UBN1: variants seen among roughly 807,000 people sequenced by gnomAD.
The protein encoded by UBN1 is ubinuclein-1.
UBN1 carries 17 observed loss-of-function variants against 108.5 expected under a neutral mutation model. The ratio of observed to expected loss-of-function variants is 0.16; its 90% confidence interval spans 0.11 to 0.24. UBN1 has a LOEUF of 0.24. Among genes scored for constraint, UBN1 ranks in the 10% least tolerant of loss-of-function variants. The pLI is 1.00. For synonymous variants in UBN1, 726 were observed against 564.2 expected (o/e 1.29, Z -4.07); for missense variants, 1,595 against 1,394.4 (o/e 1.14, Z -2.29).
chr16:4,864,058 T>TTTG (rs145072888), intron 7 of UBN1, among the ~76,000 whole-genome samples: 4,427 of 149,314 alleles, frequency 0.03, 141 homozygotes, highest in Admixed American at 0.089. Flanking sequence ...GTGATCCTGG[T>TTTG]TTGTTGTTGT....
chr16:4,876,980 T>C lies in UBN1; in HGVS notation c.3134T>C (p.Ile1045Thr), dbSNP rs1482430706. Reference sequence around the variant, plus strand: ...GCCATGAGCTCGAACTCCTTGGGAATTATAACCCCTGTCCCTATTCCTGTC... The same window carrying C: ...GCCATGAGCTCGAACTCCTTGGGAACTATAACCCCTGTCCCTATTCCTGTC... ...SGAMSSNSLG[I>T]ITPVPIPVHV... Residue 1045 changes from isoleucine (I) to threonine (T), a missense_variant, in exon 16 of 18, where the codon ATT (isoleucine) becomes ACT (threonine). Physicochemically the swap from Ile to Thr is moderately conservative, Grantham distance 89. Around this residue, in one of 3 missense-constraint regions of UBN1, gnomAD observed 1,398 missense variants for 1,194.7 expected, o/e 1.17. Transcript: ENST00000262376. 6.2e-7 allele frequency: 1 copy of C among 1,614,060 alleles called. No individual in the cohort carries two copies. Among genetic ancestry groups the C allele is most frequent in the African/African-American group, 1.3e-5 (1 of 74,930 alleles).
chr16:4,868,881 G>C lies in UBN1; in HGVS notation c.1159G>C (p.Asp387His), dbSNP rs1458018640. ...GESRQKFFTQ[D>H]INGILLDIEA... ...GAGCAGACAGAAGTTCTTCACCCAG[G>C]ATATTAATGGAATCCTATTAGAGTG... Residue 387 changes from aspartate to histidine, a missense_variant, in exon 8 of 18, where the codon GAT becomes CAT. Physicochemically the swap from Asp to His is moderately conservative, Grantham distance 81. This residue lies in a region of UBN1 where 1,398 missense variants were observed against 1,194.7 expected (regional missense o/e 1.17). Transcript: ENST00000262376. The C allele has an allele frequency of 6.2e-7, 1 of 1,613,956 alleles. No homozygotes were observed. The highest frequency in any genetic ancestry group is 1.7e-5 in the Admixed American group (1 of 60,008).
chr16:4,852,958 G>T lies in UBN1; in HGVS notation c.41G>T (p.Gly14Val), dbSNP rs921003249. Residue 14 changes from glycine (G) to valine (V), a missense_variant, in exon 2 of 18, where the codon GGT (glycine) becomes GTT (valine). This residue lies in a region of UBN1 where 181 missense variants were observed against 157.3 expected (regional missense o/e 1.15). Coordinates refer to ENST00000262376, the MANE Select transcript of UBN1 (RefSeq NM_001079514.3). ...PHRVQFTSLP[G>V]SLNPAFLKKS... is the part of the protein sequence containing the mutation. ...AGGGTCCAGTTCACCTCTCTCCCAGGTTCCCTGAATCCTGCGTTTTTGAAG... is the reference window on the plus strand; with the variant it reads ...AGGGTCCAGTTCACCTCTCTCCCAGTTTCCCTGAATCCTGCGTTTTTGAAG... The T allele has an allele frequency of 6.2e-7, 1 of 1,614,186 alleles. No homozygotes were observed. The highest frequency in any genetic ancestry group is 1.7e-5 in the Admixed American group (1 of 60,018).
Position 4,871,259 on chromosome 16 carries a change from C to T in UBN1, c.1664C>T (p.Ala555Val), listed in dbSNP as rs138346663. The change falls in exon 12 of 18, where the codon GCG becomes GTG. Residue 555 changes from alanine to valine, a missense_variant. By Grantham distance (64) the Ala-to-Val change is moderately conservative (BLOSUM62 0). Coordinates refer to ENST00000262376, the MANE Select transcript of UBN1 (RefSeq NM_001079514.3). ...WEDCVKGFLD[A>V]EVKPLWPKGW... Reference sequence around the variant, plus strand: ...GACTGTGTGAAGGGCTTTCTGGATGCGGAAGTCAAGCCCCTCTGGCCCAAA... The same window carrying T: ...GACTGTGTGAAGGGCTTTCTGGATGTGGAAGTCAAGCCCCTCTGGCCCAAA... 75 of 1,614,062 alleles carry T rather than the reference C, an allele frequency of 4.6e-5. 1 individual carries two copies. The East Asian group carries it at 1.4e-3, about 30-fold the overall frequency.
rs1474459714 is a variant in UBN1, at chr16:4,875,118, C to T, written c.2708C>T (p.Pro903Leu). 1.2e-6 allele frequency: 2 copies of T among 1,614,202 alleles called. No individual in the cohort carries two copies. Among genetic ancestry groups the T allele is most frequent in the Non-Finnish European group, 8.5e-7 (1 of 1,180,042 alleles). ...SSAGSSYKNN[P>L]FASSISKHGV... is the part of the protein sequence containing the mutation. ...GCAGGCTCATCTTACAAGAATAATC[C>T]CTTTGCCAGCTCAATCTCCAAACAT... Residue 903 changes from proline to leucine, a missense_variant, in exon 15 of 18, where the codon CCC (proline) becomes CTC (leucine). By Grantham distance (98) the Pro-to-Leu change is moderately conservative. Around this residue, in one of 3 missense-constraint regions of UBN1, gnomAD observed 1,398 missense variants for 1,194.7 expected, o/e 1.17. Transcript: ENST00000262376.
At chr16:4,858,129 C>G in intron 3 of UBN1, 53 bp downstream of exon 3, 1 of 1,190,550 alleles carries the variant, frequency 8.4e-7, no homozygotes, top group African/African-American at 1.5e-5. Context: ...GGAGACGTTT[C>G]CACACTGTAT....
intron 17 of UBN1, among the ~76,000 whole-genome samples, chr16:4,879,423 C>G (rs1406357214): frequency 1.3e-5 from 2 of 152,168 alleles, no homozygotes; most frequent in Non-Finnish European, 2.9e-5. Context: ...GTACTCCAGC[C>G]TGGGCAACAT....
chr16:4,872,886 C>G lies in UBN1; in HGVS notation c.1709C>G (p.Thr570Ser). 1 of 1,614,248 alleles carries G rather than the reference C, an allele frequency of 6.2e-7. No individual in the cohort carries two copies. Among genetic ancestry groups the G allele is most frequent in the Middle Eastern group, 1.6e-4 (1 of 6,062 alleles). Residue 570 changes from threonine to serine, a missense_variant and splice_region_variant, in exon 13 of 18, where the codon ACT becomes AGT. Physicochemically the swap from Thr to Ser is moderately conservative, Grantham distance 58 (BLOSUM62 1). Transcript: ENST00000262376. ...LWPKGWMQAR[T>S]LFKESRRGHG... Reference sequence around the variant, plus strand: ...GCCTGGTGTTCTGTGTCTTTCAGAACTCTGTTTAAGGAGAGCAGACGAGGC... The same window carrying G: ...GCCTGGTGTTCTGTGTCTTTCAGAAGTCTGTTTAAGGAGAGCAGACGAGGC...
chr16:4,872,423 C>A, intron 12 of UBN1: 3 of 902,172 alleles, frequency 3.3e-6, no homozygotes, highest in Non-Finnish European at 4.0e-6. Flanking sequence ...AGGAATTTGG[C>A]TCCCCAATCC....
At chr16:4,859,830 G>T in intron 5 of UBN1, 35 bp from the exon 6 acceptor site, 1 of 1,612,748 alleles carries the variant, frequency 6.2e-7, no homozygotes, top group Non-Finnish European at 8.5e-7. Flanking sequence ...CTGAGTTAGG[G>T]AGCCGTGTAA....
chr16:4,880,484 G>C lies in UBN1; in HGVS notation c.*352G>C, dbSNP rs1483460038. 2.4e-5 allele frequency: 6 copies of C among 246,690 alleles called. No individual in the cohort carries two copies. The highest frequency in any genetic ancestry group is 4.9e-5 in the Non-Finnish European group (6 of 121,892). The allele number at this position is 246,690 out of a possible 1,614,324, so 15.3% of individuals were successfully genotyped here. A position where few individuals can be genotyped will look rare whatever the true frequency, so the allele number is the denominator to read the frequency against. On this transcript the variant is annotated 3_prime_UTR_variant, in exon 18 of 18. Coordinates refer to ENST00000262376, the MANE Select transcript of UBN1 (RefSeq NM_001079514.3). The stretch of plus-strand genomic sequence containing the variant: ...GGCACACCTGTGGGTGAATCTGCCT[G>C]ATCCCCTGGCATTTGGTCAGAGTAC...
At chr16:4,873,190 C>T (rs1428875958) in intron 14 of UBN1, 117 bp downstream of exon 14, 20 of 1,400,926 alleles carry the variant, frequency 1.4e-5, no homozygotes, top group Non-Finnish European at 2.0e-5. Flanking sequence ...GGGACAGCTG[C>T]TCAGGATGAC....
At chr16:4,876,823 C>T in intron 15 of UBN1, 48 bp from the exon 16 acceptor site, 1 of 1,530,490 alleles carries the variant, frequency 6.5e-7, no homozygotes, top group African/African-American at 1.4e-5. Flanking sequence ...TGTGAGTGAG[C>T]CACGAACAGG....
At chr16:4,857,346 T>C (rs1596481584) in intron 2 of UBN1, among the ~76,000 whole-genome samples, 1 of 141,126 alleles carries the variant, frequency 7.1e-6, no homozygotes, top group African/African-American at 2.7e-5. Flanking sequence ...GTGAGACTCT[T>C]ATCTCAAAAA....
intron 8 of UBN1, 68 bp from the exon 9 acceptor site, chr16:4,870,144 A>T: frequency 1.2e-6 from 2 of 1,603,818 alleles, no homozygotes; most frequent in South Asian, 2.2e-5. Flanking sequence ...CTCTCCACGT[A>T]CGGTGAGCTG....
chr16:4,867,865 C>G (rs1567928533), intron 7 of UBN1, among the ~76,000 whole-genome samples: 1 of 152,292 alleles, frequency 6.6e-6, no homozygotes, highest in South Asian at 2.1e-4. Flanking sequence ...GCTGTCGTTA[C>G]TGTATATCAT....
Position 4,858,011 on chromosome 16 carries a change from T to C in UBN1, c.271T>C (p.Phe91Leu), listed in dbSNP as rs1309030789. Reference sequence around the variant, plus strand: ...ACAGAAGAAAGATCTGTCAGATCCTTTCAATGACGAAGAAAAGGAAAGGCA... The same window carrying C: ...ACAGAAGAAAGATCTGTCAGATCCTCTCAATGACGAAGAAAAGGAAAGGCA... ...GDKKKDLSDP[F>L]NDEEKERHKV... is the part of the protein sequence containing the mutation. Residue 91 changes from phenylalanine (F) to leucine (L), a missense_variant, in exon 3 of 18, where the codon TTC (phenylalanine) becomes CTC (leucine). Phe to Leu is a conservative substitution (Grantham distance 22). This residue lies in a region of UBN1 where 181 missense variants were observed against 157.3 expected (regional missense o/e 1.15). Transcript: ENST00000262376. 1.2e-6 allele frequency: 2 copies of C among 1,613,116 alleles called. No individual in the cohort carries two copies. The highest frequency in any genetic ancestry group is 1.6e-4 in the Middle Eastern group (1 of 6,084).
At chr16:4,851,903 G>T (rs2142109565) in intron 1 of UBN1, among the ~76,000 whole-genome samples, 1 of 152,154 alleles carries the variant, frequency 6.6e-6, no homozygotes, top group Admixed American at 6.5e-5. Flanking sequence ...AAAACAAGAA[G>T]AAGTACTTAT....
At chr16:4,873,895 C>G (rs1309814026) in intron 14 of UBN1, among the ~76,000 whole-genome samples, 1 of 152,212 alleles carries the variant, frequency 6.6e-6, no homozygotes, top group African/African-American at 2.4e-5. Context: ...TGCCAGTAGG[C>G]AGAGTATCTC....
Sources: gnomAD v4.1 joint callset for allele counts (sites outside exome capture counted in the v4.1 genomes callset) on GRCh38, gnomAD v4.1.1 for gene constraint, gnomAD v4.1.1 regional missense constraint, MANE v1.5 for transcripts, NCBI Gene and HGNC (gene_info 2026-07-23, HGNC 2026-07-21) for gene names.